Variants in AP5B1 observed in about 807,000 individuals in gnomAD.
The protein encoded by AP5B1 is adaptor related protein complex 5 subunit beta 1, also known as AP-5 complex subunit beta-1.
In AP5B1, 3 loss-of-function variants were observed where a neutral mutation model predicts 5.7. The observed-to-expected ratio is 0.53, with a 90% confidence interval of 0.24 to 1.36. The LOEUF (loss-of-function observed/expected upper bound fraction) is 1.36. Among genes scored for constraint, AP5B1 ranks in the 40% most tolerant of loss-of-function variants. AP5B1 has a pLI of 0.17. For synonymous variants in AP5B1, 696 were observed against 555.5 expected (o/e 1.25, Z -3.56); for missense variants, 1,310 against 1,143.2 (o/e 1.15, Z -2.10).
chr11:65,779,719 C>A lies in AP5B1; in HGVS notation c.774G>T (p.Glu258Asp), dbSNP rs1465455929. Residue 258 changes from glutamate to aspartate, a missense_variant, in exon 2 of 2, where the codon GAG (glutamate) becomes GAT (aspartate). Glu to Asp is a conservative substitution (Grantham distance 45). Coordinates refer to ENST00000532090, the MANE Select transcript of AP5B1 (RefSeq NM_138368.5). Reference sequence around the variant, plus strand: ...GCTCCCGCGCCTCCTCAGGGCTGTGCTCTCGTGCTGTAAGGCTACGCTCCC... The same window carrying A: ...GCTCCCGCGCCTCCTCAGGGCTGTGATCTCGTGCTGTAAGGCTACGCTCCC... ...GEGERSLTAR[E>D]HSPEEARELR... 7 of 1,609,608 alleles carry A rather than the reference C, an allele frequency of 4.3e-6. No homozygotes were observed. The South Asian group carries it at 6.6e-5, about 15-fold the overall frequency.
In AP5B1 at chr11:65,779,198, C is replaced by T. The variant is rs377298516; in HGVS notation, c.1295G>A (p.Gly432Asp). The T allele has an allele frequency of 1.7e-4, 281 of 1,607,254 alleles. No individual in the cohort carries two copies. In the African/African-American group the frequency reaches 3.4e-3, roughly 19 times the overall value. The change falls in exon 2 of 2, where the codon GGC (glycine) becomes GAC (aspartate). Residue 432 changes from glycine to aspartate, a missense_variant. By Grantham distance (94) the Gly-to-Asp change is moderately conservative. Transcript: ENST00000532090. ...LCAEEEEEEK[G>D]QLPSPRHYLE... is the part of the protein sequence containing the mutation. ...GTAGTGCCGTGGGCTTGGAAGCTGG[C>T]CTTTCTCCTCTTCTTCCTCCTCGGC...
Position 65,778,603 on chromosome 11 carries a change from GGCCACCCCC to G in AP5B1, c.1881_1889del (p.Leu627_Ala630delinsPhe). 1 of 1,594,460 alleles carries G rather than the reference GGCCACCCCC, an allele frequency of 6.3e-7. No individual in the cohort carries two copies. The highest frequency in any genetic ancestry group is 8.5e-7 in the Non-Finnish European group (1 of 1,172,304). On this transcript the variant is annotated inframe_deletion, in exon 2 of 2. Coordinates refer to ENST00000532090, the MANE Select transcript of AP5B1 (RefSeq NM_138368.5). ...CAGGTGCGGCAAGCGAGGGGCCCAG[GGCCACCCCC>G]AACTTGGGTGCTGCCAGGTGTGCCA...
rs1383594661 is a variant in AP5B1, at chr11:65,777,142, T to A, written c.*714A>T. 1 of 152,178 alleles carries A rather than the reference T, an allele frequency of 6.6e-6. No individual in the cohort carries two copies. The highest frequency in any genetic ancestry group is 2.4e-5 in the African/African-American group (1 of 41,398). The allele number at this position is 152,178 out of a possible 1,614,324, so 9.4% of individuals were successfully genotyped here. On this transcript the variant is annotated 3_prime_UTR_variant, in exon 2 of 2. Transcript: ENST00000532090. ...TCCCCGAAAAAAAAAGAAAGAAAAGTACTGTCCAACAGGTCAGGTCCACAC... is the reference window on the plus strand; with the variant it reads ...TCCCCGAAAAAAAAAGAAAGAAAAGAACTGTCCAACAGGTCAGGTCCACAC...
chr11:65,780,789 G>A lies in AP5B1; in HGVS notation c.-198C>T, dbSNP rs1352820196. The A allele has an allele frequency of 2.2e-6, 1 of 449,334 alleles. No homozygotes were observed. Among genetic ancestry groups the A allele is most frequent in the Non-Finnish European group, 3.6e-6 (1 of 278,526 alleles). The allele number at this position is 449,334 out of a possible 1,614,324, so 27.8% of individuals were successfully genotyped here. A position where few individuals can be genotyped will look rare whatever the true frequency, so the allele number is the denominator to read the frequency against. ...GCCAGAGCTGGGCGCCGGGGCCCTC[G>A]CGGGACAGGACAGGAGCAGGGCGGG... On this transcript the variant is annotated 5_prime_UTR_variant, in exon 1 of 2. Coordinates refer to ENST00000532090, the MANE Select transcript of AP5B1 (RefSeq NM_138368.5).
Position 65,779,659 on chromosome 11 carries a change from G to A in AP5B1, c.834C>T (p.Ser278=), listed in dbSNP as rs1857818981. The A allele has an allele frequency of 1.2e-6, 2 of 1,612,026 alleles. No homozygotes were observed. The highest frequency in any genetic ancestry group is 1.3e-5 in the African/African-American group (1 of 74,926). Residue 278 remains serine, a synonymous_variant, in exon 2 of 2, where the codon TCC becomes TCT. Coordinates refer to ENST00000532090, the MANE Select transcript of AP5B1 (RefSeq NM_138368.5). ...RAAVIQLLDT[S]YLLTPVAQAQ... ...CCTGGGCCACAGGAGTGAGCAGATA[G>A]GAGGTGTCCAGAAGCTGGATCACCG...
chr11:65,778,483 G>C lies in AP5B1; in HGVS notation c.2010C>G (p.Ser670=). Residue 670 remains serine, a synonymous_variant, in exon 2 of 2, where the codon TCC becomes TCG. Coordinates refer to ENST00000532090, the MANE Select transcript of AP5B1 (RefSeq NM_138368.5). ...APALVRLSLG[S]HRVKGPLPVL... The stretch of plus-strand genomic sequence containing the variant: ...CTGGGAGTGGGCCCTTGACCCGATG[G>C]GACCCCAGGCTCAGCCGTACCAGGG... 6.4e-7 allele frequency: 1 copy of C among 1,573,616 alleles called. No homozygotes were observed.
chr11:65,777,652 TA>T lies in AP5B1; in HGVS notation c.*203del. On this transcript the variant is annotated 3_prime_UTR_variant, in exon 2 of 2. Coordinates refer to ENST00000532090, the MANE Select transcript of AP5B1 (RefSeq NM_138368.5). ...CAATACATTTCTGTTTATTATAACT[TA>T]CCCCGTCTCAGGGATCTTGCTAGAG... 1 of 610,950 alleles carries T rather than the reference TA, an allele frequency of 1.6e-6. No individual in the cohort carries two copies. Among genetic ancestry groups the T allele is most frequent in the Non-Finnish European group, 2.8e-6 (1 of 362,950 alleles). The allele number at this position is 610,950 out of a possible 1,614,324, so 37.8% of individuals were successfully genotyped here.
rs1055935870 is a variant in AP5B1, at chr11:65,778,113, C to A, written c.2380G>T (p.Ala794Ser). The A allele has an allele frequency of 5.6e-6, 9 of 1,612,772 alleles. No individual in the cohort carries two copies. The highest frequency in any genetic ancestry group is 2.2e-5 in the East Asian group (1 of 44,902). Residue 794 changes from alanine (A) to serine (S), a missense_variant, in exon 2 of 2, where the codon GCT becomes TCT. Coordinates refer to ENST00000532090, the MANE Select transcript of AP5B1 (RefSeq NM_138368.5). ...ELWDSCLPEG[A>S]ESRVWCPLGP... ...AGTGGACACCACACACGACTCTCAG[C>A]ACCCTCTGGCAGGCAGGAATCCCAG... is the stretch of plus-strand genomic sequence containing the variant.
rs761562343 is a variant in AP5B1 at position 65,778,591 on chromosome 11, C to T, written c.1902G>A (p.Ser634=). The change falls in exon 2 of 2, where the codon TCG becomes TCA. Residue 634 remains serine (S), a synonymous_variant. Coordinates refer to ENST00000532090, the MANE Select transcript of AP5B1 (RefSeq NM_138368.5). ...AAGAGGCCAGTGCAGGTGCGGCAAG[C>T]GAGGGGCCCAGGGCCACCCCCAACT... ...APKLGVALGP[S]LAAPALASSL... The T allele has an allele frequency of 8.8e-6, 14 of 1,592,082 alleles. No homozygotes were observed. In the South Asian group the frequency reaches 1.0e-4, roughly 12 times the overall value.
chr11:65,780,584 G>C lies in AP5B1; in HGVS notation c.8C>G (p.Pro3Arg). The C allele has an allele frequency of 6.9e-7, 1 of 1,455,428 alleles. No homozygotes were observed. The highest frequency in any genetic ancestry group is 9.0e-7 in the Non-Finnish European group (1 of 1,106,974). The allele number at this position is 1,455,428 out of a possible 1,614,324, so 90.2% of individuals were successfully genotyped here. A position where few individuals can be genotyped will look rare whatever the true frequency, so the allele number is the denominator to read the frequency against. ...CTGGGCCCAGGCGTCCCGGCTCAGG[G>C]GCCCCATGGTGAGGCGCGCGGGCCC... MG[P>R]LSRDAWAQRL... The change falls in exon 1 of 2, where the codon CCC becomes CGC. Residue 3 changes from proline to arginine, a missense_variant. Pro to Arg is a moderately radical substitution (Grantham distance 103). Transcript: ENST00000532090.
In AP5B1 at chr11:65,774,204, A is replaced by G. The variant is rs932360014; in HGVS notation, c.*3652T>C. On this transcript the variant is annotated 3_prime_UTR_variant, in exon 2 of 2. Transcript: ENST00000532090. The stretch of plus-strand genomic sequence containing the variant: ...CTCGGCCACGAGGTGGCATCTGTTC[A>G]GTCGGTGGGGTTTTAGGATTTTTAG... 1.3e-5 allele frequency among the ~76,000 whole-genome samples: 2 copies of G among 152,224 alleles called. No individual in the cohort carries two copies. The highest frequency in any genetic ancestry group is 4.8e-5 in the African/African-American group (2 of 41,460).
chr11:65,778,469 C>A lies in AP5B1; in HGVS notation c.2024G>T (p.Gly675Val). 6.4e-7 allele frequency: 1 copy of A among 1,572,018 alleles called. No individual in the cohort carries two copies. Residue 675 changes from glycine to valine, a missense_variant, in exon 2 of 2, where the codon GGC becomes GTC. Gly to Val is a moderately radical substitution (Grantham distance 109, BLOSUM62 -3). Coordinates refer to ENST00000532090, the MANE Select transcript of AP5B1 (RefSeq NM_138368.5). ...RLSLGSHRVK[G>V]PLPVLKLQPE... ...CTGGAGCTTCAACACTGGGAGTGGG[C>A]CCTTGACCCGATGGGACCCCAGGCT...
At position 65,778,686 on chromosome 11, in the gene AP5B1, G is replaced by C. The variant is rs1857799782; in HGVS notation, c.1807C>G (p.Leu603Val). ...VDLLQVLARQ[L>V]EDPDGRDHAR... is the part of the protein sequence containing the mutation. ...TGGTCACGCCCATCAGGGTCCTCCA[G>C]CTGCCTGGCCAGCACCTGCAGCAAG... Residue 603 changes from leucine to valine, a missense_variant, in exon 2 of 2, where the codon CTG becomes GTG. Coordinates refer to ENST00000532090, the MANE Select transcript of AP5B1 (RefSeq NM_138368.5). The C allele has an allele frequency of 6.4e-7, 1 of 1,573,888 alleles. No homozygotes were observed.
Position 65,780,268 on chromosome 11 carries a change from G to A in AP5B1, c.225C>T (p.Ala75=), listed in dbSNP as rs746565415. 1 of 1,505,674 alleles carries A rather than the reference G, an allele frequency of 6.6e-7. No homozygotes were observed. The highest frequency in any genetic ancestry group is 2.4e-5 in the Admixed American group (1 of 41,992). The allele number at this position is 1,505,674 out of a possible 1,614,324, so 93.3% of individuals were successfully genotyped here. Residue 75 remains alanine (A), a synonymous_variant, in exon 2 of 2, where the codon GCC becomes GCT. Transcript: ENST00000532090. ...WPDASAAEVA[A]TSLLDTLVLL... Reference sequence around the variant, plus strand: ...GGACCAAGGTGTCCAACAGGGAGGTGGCGGCCACTTCGGCCGCAGAGGCGT... The same window carrying A: ...GGACCAAGGTGTCCAACAGGGAGGTAGCGGCCACTTCGGCCGCAGAGGCGT...
In AP5B1 at chr11:65,777,839, A is replaced by C. The variant is rs1590989996; in HGVS notation, c.*17T>G. 3 of 1,504,210 alleles carry C rather than the reference A, an allele frequency of 2.0e-6. No homozygotes were observed. The highest frequency in any genetic ancestry group is 2.6e-5 in the South Asian group (2 of 76,518). The allele number at this position is 1,504,210 out of a possible 1,614,324, so 93.2% of individuals were successfully genotyped here. On this transcript the variant is annotated 3_prime_UTR_variant, in exon 2 of 2. Transcript: ENST00000532090. ...CCACAAGGGCCACAGTCCTGCCCCC[A>C]CCTGGTCTCCCGGGGCTCAGACAGC...
rs771382614 is a variant in AP5B1 at position 65,778,984 on chromosome 11, G to C, written c.1509C>G (p.His503Gln). The C allele has an allele frequency of 6.2e-7, 1 of 1,612,472 alleles. No homozygotes were observed. The highest frequency in any genetic ancestry group is 1.7e-5 in the Admixed American group (1 of 59,962). The change falls in exon 2 of 2, where the codon CAC becomes CAG. Residue 503 changes from histidine (H) to glutamine (Q), a missense_variant. Physicochemically the swap from His to Gln is conservative, Grantham distance 24. Coordinates refer to ENST00000532090, the MANE Select transcript of AP5B1 (RefSeq NM_138368.5). The part of the protein sequence containing the change: ...LYQARPMLAP[H>Q]FVDLLDQVDS... Reference sequence around the variant, plus strand: ...CCACCTGATCCAAGAGGTCCACAAAGTGGGGAGCCAGCATGGGCCGGGCTT... The same window carrying C: ...CCACCTGATCCAAGAGGTCCACAAACTGGGGAGCCAGCATGGGCCGGGCTT...
Position 65,773,922 on chromosome 11 carries a change from T to C in AP5B1, c.*3934A>G, listed in dbSNP as rs1292883930. Reference sequence around the variant, plus strand: ...GTGCAGTTAGAACATAGTTTATTCATAAGTTGGGGGCAGGGGAGGCGGGGC... The same window carrying C: ...GTGCAGTTAGAACATAGTTTATTCACAAGTTGGGGGCAGGGGAGGCGGGGC... On this transcript the variant is annotated 3_prime_UTR_variant, in exon 2 of 2. Coordinates refer to ENST00000532090, the MANE Select transcript of AP5B1 (RefSeq NM_138368.5). Among the ~76,000 whole-genome samples the C allele has an allele frequency of 6.6e-6, 1 of 152,150 alleles. No individual in the cohort carries two copies. The highest frequency in any genetic ancestry group is 1.5e-5 in the Non-Finnish European group (1 of 68,026).
rs1215455230 is a variant in AP5B1, at chr11:65,776,075, G to A, written c.*1781C>T. On this transcript the variant is annotated 3_prime_UTR_variant, in exon 2 of 2. Coordinates refer to ENST00000532090, the MANE Select transcript of AP5B1 (RefSeq NM_138368.5). ...CCGGCTAATTTTTGTATTTTTATTA[G>A]ACACAGGGTTTCGCCATGCTGGCCA... 1 of 151,908 alleles carries A rather than the reference G, an allele frequency of 6.6e-6. No homozygotes were observed. Among genetic ancestry groups the A allele is most frequent in the Non-Finnish European group, 1.5e-5 (1 of 67,982 alleles). 9.4% of individuals were successfully genotyped at this position (151,908 alleles called of 1,614,324 possible).
chr11:65,774,518 T>C lies in AP5B1; in HGVS notation c.*3338A>G, dbSNP rs1016133332. Reference sequence around the variant, plus strand: ...CCTCCACCTCCCGGGTTCAAGCGATTCTCCTGCCTCAGCCTCCTGAGTAGC... The same window carrying C: ...CCTCCACCTCCCGGGTTCAAGCGATCCTCCTGCCTCAGCCTCCTGAGTAGC... On this transcript the variant is annotated 3_prime_UTR_variant, in exon 2 of 2. Transcript: ENST00000532090. Among the ~76,000 whole-genome samples, 3 of 152,180 alleles carry C rather than the reference T, an allele frequency of 2.0e-5. No individual in the cohort carries two copies. Among genetic ancestry groups the C allele is most frequent in the Non-Finnish European group, 4.4e-5 (3 of 68,034 alleles).
Sources: gnomAD v4.1 joint callset for allele counts (sites outside exome capture counted in the v4.1 genomes callset) on GRCh38, gnomAD v4.1.1 for gene constraint, MANE v1.5 for transcripts, NCBI Gene and HGNC (gene_info 2026-07-23, HGNC 2026-07-21) for gene names.